The following LRRC4C variants were observed in gnomAD, a reference collection of about 807,000 sequenced individuals.
LRRC4C encodes the protein leucine rich repeat containing 4C.
In LRRC4C, 5 loss-of-function variants were observed where a neutral mutation model predicts 33.6. That is an observed-to-expected ratio of 0.15 (90% confidence interval 0.08 to 0.31). The LOEUF (loss-of-function observed/expected upper bound fraction) is 0.31, where lower values mean the gene tolerates loss of function less well. Among genes scored for constraint, LRRC4C ranks in the 10% least tolerant of loss-of-function variants. The probability of loss-of-function intolerance (pLI) is 1.00; values close to 1 mark genes in which losing one functional copy is unlikely to be tolerated. For missense variants in LRRC4C, 560 were observed against 796.7 expected (o/e 0.70, Z 3.58); for synonymous variants, 329 against 302.0 (o/e 1.09, Z -0.93).
intron 2 of LRRC4C, among the ~76,000 whole-genome samples, chr11:40,775,016 A>G (rs1252830782): frequency 1.3e-5 from 2 of 151,938 alleles, no homozygotes; most frequent in African/African-American, 4.8e-5. Context: ...AAATATTTAC[A>G]TATAATAAAA....
chr11:40,194,637 G>A (rs997078572), intron 5 of LRRC4C, among the ~76,000 whole-genome samples: 6 of 151,988 alleles, frequency 3.9e-5, no homozygotes, highest in African/African-American at 1.4e-4. Flanking sequence ...GGGGGCAAAG[G>A]GAGGGATAGC....
At chr11:40,422,262 G>A (rs544666742) in intron 3 of LRRC4C, among the ~76,000 whole-genome samples, 28 of 152,270 alleles carry the variant, frequency 1.8e-4, no homozygotes, top group South Asian at 8.3e-4. Flanking sequence ...TGTCCCCTAC[G>A]TAATTGAAGA....
At chr11:40,685,732 A>G (rs1421122953) in intron 2 of LRRC4C, among the ~76,000 whole-genome samples, 2 of 152,036 alleles carry the variant, frequency 1.3e-5, no homozygotes, top group African/African-American at 2.4e-5. Flanking sequence ...GAACTTGATC[A>G]GTACTGGCAG....
chr11:40,931,798 T>A (rs1465314215), intron 2 of LRRC4C, among the ~76,000 whole-genome samples: 1 of 152,132 alleles, frequency 6.6e-6, no homozygotes, highest in Admixed American at 6.6e-5. Flanking sequence ...CTCCAATGAT[T>A]TTGAAATGGT....
chr11:40,318,774 T>C (rs1408764165), intron 4 of LRRC4C, among the ~76,000 whole-genome samples: 2 of 152,150 alleles, frequency 1.3e-5, no homozygotes, highest in Non-Finnish European at 2.9e-5. Context: ...AAAACTACTA[T>C]CTGCAATGGG....
chr11:40,214,851 C>T (rs962304015), intron 5 of LRRC4C, among the ~76,000 whole-genome samples: 2 of 152,104 alleles, frequency 1.3e-5, no homozygotes, highest in African/African-American at 2.4e-5. Context: ...TTTTTCCCCG[C>T]TAAGCCATGT....
intron 3 of LRRC4C, among the ~76,000 whole-genome samples, chr11:40,351,272 T>C (rs1947369168): frequency 6.6e-6 from 1 of 151,540 alleles, no homozygotes; most frequent in Non-Finnish European, 1.5e-5. Flanking sequence ...AGATACTTGA[T>C]ATGATTTTTT....
At chr11:40,584,626 A>G (rs767911196) in intron 3 of LRRC4C, among the ~76,000 whole-genome samples, 5 of 152,116 alleles carry the variant, frequency 3.3e-5, no homozygotes, top group African/African-American at 4.8e-5. Flanking sequence ...TGGCTATAAT[A>G]TCAGGCAGAA....
intron 2 of LRRC4C, among the ~76,000 whole-genome samples, chr11:40,883,898 T>TC (rs1267120622): frequency 6.6e-6 from 1 of 151,516 alleles, no homozygotes; most frequent in Non-Finnish European, 1.5e-5. Context: ...AGCTAGTTTT[T>TC]TTTTTTTTTA....
At position 41,349,973 on chromosome 11, in the gene LRRC4C, T is replaced by A. The variant is rs141638500; in HGVS notation, c.-496+109458A>T. ...CATTTTTGCAAATCTCCTCAGTGTC[T>A]GGCTTAATAAAAGACAGCCAGATCC... On this transcript the variant is annotated intron_variant, in intron 1 of 6. Coordinates refer to ENST00000528697, the MANE Select transcript of LRRC4C (RefSeq NM_001258419.2). Among the ~76,000 whole-genome samples the A allele has an allele frequency of 4.4e-3, 646 of 146,796 alleles. 3 individuals are homozygous for A. Among genetic ancestry groups the A allele is most frequent in the African/African-American group, 0.014 (569 of 41,000 alleles).
intron 1 of LRRC4C, among the ~76,000 whole-genome samples, chr11:41,105,002 A>T (rs1366618114): frequency 2.0e-5 from 3 of 151,940 alleles, no homozygotes; most frequent in Non-Finnish European, 4.4e-5. Context: ...TTAAAAAAAA[A>T]TTTGGCGATG....
chr11:41,273,136 A>G, intron 1 of LRRC4C, among the ~76,000 whole-genome samples: 1 of 152,284 alleles, frequency 6.6e-6, no homozygotes, highest in Non-Finnish European at 1.5e-5. Flanking sequence ...GAAAAGGTAA[A>G]GTATAACAAA....
intron 1 of LRRC4C, among the ~76,000 whole-genome samples, chr11:41,282,536 C>G (rs1949707146): frequency 6.6e-6 from 1 of 152,186 alleles, no homozygotes; most frequent in Non-Finnish European, 1.5e-5. Flanking sequence ...ATCCTCATTA[C>G]TTCAAAAGTC....
intron 5 of LRRC4C, among the ~76,000 whole-genome samples, chr11:40,215,439 A>C (rs1863907470): frequency 6.6e-6 from 1 of 152,114 alleles, no homozygotes. Flanking sequence ...TTTCAAGTAT[A>C]TTTTTCAGAC....
chr11:40,357,757 TA>T (rs1245139852), intron 3 of LRRC4C, among the ~76,000 whole-genome samples: 11 of 152,184 alleles, frequency 7.2e-5, no homozygotes, highest in African/African-American at 2.7e-4. Context: ...CATCCAGTTC[TA>T]CAAAGCCTAC....
chr11:40,249,433 A>G (rs954350036), intron 4 of LRRC4C, among the ~76,000 whole-genome samples: 2 of 152,108 alleles, frequency 1.3e-5, no homozygotes, highest in African/African-American at 2.4e-5. Context: ...CACTGAATTC[A>G]TACTTCATCC....
chr11:41,215,823 G>A (rs189338060), intron 1 of LRRC4C, among the ~76,000 whole-genome samples: 312 of 152,254 alleles, frequency 2.0e-3, no homozygotes, highest in African/African-American at 7.0e-3. Flanking sequence ...AAACATTTAT[G>A]TATAAGTTTT....
At chr11:40,464,817 C>T (rs1445542774) in intron 3 of LRRC4C, among the ~76,000 whole-genome samples, 1 of 151,626 alleles carries the variant, frequency 6.6e-6, no homozygotes, top group African/African-American at 2.4e-5. Context: ...TTTTAGACGA[C>T]ACAAGCAAAT....
chr11:40,951,491 G>A (rs961227599), intron 1 of LRRC4C, among the ~76,000 whole-genome samples: 2 of 151,948 alleles, frequency 1.3e-5, no homozygotes, highest in African/African-American at 4.8e-5. Context: ...GTGGAAAGTA[G>A]GTCAACAGTG....
Sources: allele counts gnomAD v4.1 joint callset (sites outside exome capture counted in the v4.1 genomes callset), GRCh38; gene constraint gnomAD v4.1.1; transcripts MANE v1.5; gene names NCBI Gene and HGNC (gene_info 2026-07-23, HGNC 2026-07-21).